Variants in MYL10 observed in about 807,000 individuals in gnomAD.
The protein encoded by MYL10 is myosin regulatory light chain 10.
MYL10 carries 18 observed loss-of-function variants against 21.9 expected under a neutral mutation model. The ratio of observed to expected loss-of-function variants is 0.82; its 90% CI spans 0.57 to 1.22. The LOEUF (loss-of-function observed/expected upper bound fraction) is 1.22. Ranked by LOEUF, MYL10 falls within the 50% of genes most tolerant of loss-of-function variation. The probability of loss-of-function intolerance (pLI) is 0.00; values close to 1 mark genes in which losing one functional copy is unlikely to be tolerated. For synonymous variants in MYL10, 88 were observed against 82.8 expected (o/e 1.06, Z -0.34); for missense variants, 225 against 230.4 (o/e 0.98, Z 0.15).
chr7:101,618,440 G>C (rs1796634811), intron 5 of MYL10, among the ~76,000 whole-genome samples: 1 of 152,226 alleles, frequency 6.6e-6, no homozygotes, highest in African/African-American at 2.4e-5. Flanking sequence ...TCACTGCTGA[G>C]GCAGGTTTGT....
At position 101,622,070 on chromosome 7, in the gene MYL10, T is replaced by A. The variant is rs4263675; in HGVS notation, c.454+26A>T. 2.5e-6 allele frequency: 4 copies of A among 1,584,622 alleles called. No individual in the cohort carries two copies. In the Admixed American group the frequency reaches 6.7e-5, roughly 26 times the overall value. ...TCCCCCTGCCATTCCCTGCTGCCCCTCCAGGACTCCAGGAGCCTGGCTCAC... is the reference window on the plus strand; with the variant it reads ...TCCCCCTGCCATTCCCTGCTGCCCCACCAGGACTCCAGGAGCCTGGCTCAC... On this transcript the variant is annotated intron_variant, in intron 5 of 7. Coordinates refer to ENST00000223167, the MANE Select transcript of MYL10 (RefSeq NM_138403.5).
chr7:101,627,282 G>T (rs1275137912), intron 1 of MYL10, among the ~76,000 whole-genome samples: 1 of 147,130 alleles, frequency 6.8e-6, no homozygotes, highest in East Asian at 2.1e-4. Flanking sequence ...CTGGGCAACA[G>T]AGTGAGATTC....
At chr7:101,615,708 T>C (rs2130735258) in intron 6 of MYL10, among the ~76,000 whole-genome samples, 1 of 147,226 alleles carries the variant, frequency 6.8e-6, no homozygotes, top group South Asian at 2.4e-4. Context: ...TTTTTTTTTT[T>C]TTTTTTGAGA....
intron 5 of MYL10, 67 bp downstream of exon 5, chr7:101,622,029 T>G (rs1435682205): frequency 4.7e-6 from 6 of 1,282,670 alleles, no homozygotes; most frequent in Non-Finnish European, 6.8e-6. Flanking sequence ...GTCAGGCCCC[T>G]GCCTTCCTAC....
In MYL10 at chr7:101,622,351, G is replaced by A. The variant is rs555013721; in HGVS notation, c.350-151C>T. On this transcript the variant is annotated intron_variant, in intron 4 of 7. Coordinates refer to ENST00000223167, the MANE Select transcript of MYL10 (RefSeq NM_138403.5). ...GCCTTTTTGGGGGACTCTTTAGGGGGCATTTGGGCCACAGTCAGCTTCCGG... is the reference window on the plus strand; with the variant it reads ...GCCTTTTTGGGGGACTCTTTAGGGGACATTTGGGCCACAGTCAGCTTCCGG... 671 of 550,622 alleles carry A rather than the reference G, an allele frequency of 1.2e-3. 3 individuals carry two copies. The highest frequency in any genetic ancestry group is 1.7e-3 in the Non-Finnish European group (532 of 315,224). 34.1% of individuals were successfully genotyped at this position (550,622 alleles called of 1,614,324 possible).
At position 101,613,522 on chromosome 7, in the gene MYL10, A is replaced by T; in HGVS notation, c.634T>A (p.Tyr212Asn). The part of the protein sequence containing the change: ...FPPDVCGNLD[Y>N]RNLCYVITHG... ...GTGATGACGTAGCACAGGTTTCTGTAGTCCAGGTTGCCGCACACATCTGGG... is the reference window on the plus strand; with the variant it reads ...GTGATGACGTAGCACAGGTTTCTGTTGTCCAGGTTGCCGCACACATCTGGG... The change falls in exon 8 of 8, where the codon TAC becomes AAC. Residue 212 changes from tyrosine to asparagine, a missense_variant. By Grantham distance (143) the Tyr-to-Asn change is moderately radical. Coordinates refer to ENST00000223167, the MANE Select transcript of MYL10 (RefSeq NM_138403.5). 6.2e-7 allele frequency: 1 copy of T among 1,614,138 alleles called. No individual in the cohort carries two copies. The highest frequency in any genetic ancestry group is 8.5e-7 in the Non-Finnish European group (1 of 1,180,034).
At chr7:101,614,807 C>T (rs1796589741) in intron 6 of MYL10, among the ~76,000 whole-genome samples, 2 of 152,146 alleles carry the variant, frequency 1.3e-5, no homozygotes, top group African/African-American at 4.8e-5. Context: ...GCTGCGTCTG[C>T]CCTCTCCCTT....
intron 5 of MYL10, among the ~76,000 whole-genome samples, chr7:101,619,655 C>T (rs1416936473): frequency 2.0e-5 from 3 of 151,950 alleles, no homozygotes; most frequent in South Asian, 2.1e-4. Flanking sequence ...TTTGGGAGGC[C>T]GAGGAAGGCG....
At chr7:101,619,569 G>A (rs1446446600) in intron 5 of MYL10, among the ~76,000 whole-genome samples, 1 of 152,174 alleles carries the variant, frequency 6.6e-6, no homozygotes, top group Non-Finnish European at 1.5e-5. Flanking sequence ...ACCCTGTGGT[G>A]GACTGAATGG....
intron 5 of MYL10, 120 bp from the exon 6 acceptor site, chr7:101,616,418 A>T: frequency 1.4e-6 from 1 of 707,554 alleles, no homozygotes; most frequent in Non-Finnish European, 2.5e-6. Context: ...GCACAGAGGC[A>T]CAGCTCTGGG....
chr7:101,620,606 G>C (rs1661471578), intron 5 of MYL10, among the ~76,000 whole-genome samples: 1 of 152,118 alleles, frequency 6.6e-6, no homozygotes, highest in Non-Finnish European at 1.5e-5. Context: ...ACTGAGGCCA[G>C]AAAGCAGATA....
intron 3 of MYL10, 109 bp from the exon 4 acceptor site, chr7:101,623,181 C>T: frequency 2.2e-6 from 2 of 908,340 alleles, no homozygotes; most frequent in Non-Finnish European, 3.4e-6. Context: ...GGGGCAGGTC[C>T]CTCTGGCAGC....
chr7:101,616,837 C>T (rs992206130), intron 5 of MYL10, among the ~76,000 whole-genome samples: 19 of 152,158 alleles, frequency 1.2e-4, no homozygotes, highest in East Asian at 5.8e-4. Context: ...GAGATTGTCC[C>T]GGCCAGAAGT....
intron 5 of MYL10, among the ~76,000 whole-genome samples, chr7:101,617,798 G>C (rs983801767): frequency 3.9e-5 from 6 of 151,980 alleles, no homozygotes; most frequent in Non-Finnish European, 7.4e-5. Context: ...AGGGCCATCT[G>C]TGTCTCCCCG....
intron 3 of MYL10, among the ~76,000 whole-genome samples, chr7:101,623,430 C>G (rs1796704168): frequency 6.6e-6 from 1 of 152,206 alleles, no homozygotes; most frequent in African/African-American, 2.4e-5. Context: ...CTTGGTGGCT[C>G]ATGCCTGCAG....
intron 6 of MYL10, among the ~76,000 whole-genome samples, chr7:101,614,293 G>A (rs1240384012): frequency 6.6e-6 from 1 of 152,224 alleles, no homozygotes; most frequent in East Asian, 1.9e-4. Flanking sequence ...TCCACCCAGA[G>A]TGTCCTCTGG....
chr7:101,622,034 T>G, intron 5 of MYL10, 62 bp downstream of exon 5: 1 of 1,331,116 alleles, frequency 7.5e-7, no homozygotes, highest in South Asian at 1.2e-5. Context: ...GCCCCTGCCT[T>G]CCTACATCCG....
At chr7:101,628,002 C>T (rs73176030) in intron 1 of MYL10, among the ~76,000 whole-genome samples, 35,470 of 152,136 alleles carry the variant, frequency 0.23, 4,859 homozygotes, top group Non-Finnish European at 0.32. Flanking sequence ...ATGAAACCCC[C>T]GGTCTGCTTA....
At chr7:101,626,231 G>A (rs1796744580) in intron 1 of MYL10, among the ~76,000 whole-genome samples, 1 of 152,158 alleles carries the variant, frequency 6.6e-6, no homozygotes, top group Non-Finnish European at 1.5e-5. Flanking sequence ...ACCTAGAGCA[G>A]GTCAACCTCA....
Sources: gnomAD v4.1 joint callset for allele counts (sites outside exome capture counted in the v4.1 genomes callset) on GRCh38, gnomAD v4.1.1 for gene constraint, MANE v1.5 for transcripts, NCBI Gene and HGNC (gene_info 2026-07-23, HGNC 2026-07-21) for gene names.